ZNF804A: variants seen among roughly 807,000 people sequenced by gnomAD.
The protein encoded by ZNF804A is zinc finger protein 804A.
A neutral mutation model predicts 16.5 loss-of-function variants in ZNF804A; 2 were observed. The observed-to-expected ratio is 0.12, with a 90% confidence interval of 0.05 to 0.38. The LOEUF (loss-of-function observed/expected upper bound fraction) is 0.38, where lower values mean the gene tolerates loss of function less well. Among genes scored for constraint, ZNF804A ranks in the 10% least tolerant of loss-of-function variants. The probability of loss-of-function intolerance (pLI) is 0.99; values close to 1 mark genes in which losing one functional copy is unlikely to be tolerated. For synonymous variants in ZNF804A, 534 were observed against 489.6 expected (o/e 1.09, Z -1.20); for missense variants, 1,473 against 1,390.7 (o/e 1.06, Z -0.94).
At position 184,850,388 on chromosome 2, in the gene ZNF804A, G is replaced by T. The variant is rs182932616; in HGVS notation, c.112-15981G>T. Reference sequence around the variant, plus strand: ...CAGTCAAGTAGTACTACATGAAGCTGCTGGAAACTGGCTGACTCAATCAGT... The same window carrying T: ...CAGTCAAGTAGTACTACATGAAGCTTCTGGAAACTGGCTGACTCAATCAGT... On this transcript the variant is annotated intron_variant, in intron 1 of 3. Transcript: ENST00000302277. Among the ~76,000 whole-genome samples, 629 of 151,842 alleles carry T rather than the reference G, an allele frequency of 4.1e-3. 5 individuals carry two copies. Among genetic ancestry groups the T allele is most frequent in the African/African-American group, 0.014 (597 of 41,480 alleles).
intron 1 of ZNF804A, among the ~76,000 whole-genome samples, chr2:184,642,529 G>A (rs1021025153): frequency 7.2e-5 from 11 of 152,030 alleles, no homozygotes; most frequent in African/African-American, 1.7e-4. Context: ...TTCATTAGTC[G>A]GGATATAAGA....
At chr2:184,781,947 C>T (rs1402746596) in intron 1 of ZNF804A, among the ~76,000 whole-genome samples, 1 of 151,842 alleles carries the variant, frequency 6.6e-6, no homozygotes, top group African/African-American at 2.4e-5. Context: ...ATAAATTCTT[C>T]TAAGGCCTCT....
chr2:184,802,061 TC>T (rs1199511215), intron 1 of ZNF804A, among the ~76,000 whole-genome samples: 2 of 152,190 alleles, frequency 1.3e-5, no homozygotes, highest in Non-Finnish European at 2.9e-5. Flanking sequence ...ATATTGTAGC[TC>T]TTTAAGCTGT....
At chr2:184,610,391 T>G (rs1046373675) in intron 1 of ZNF804A, among the ~76,000 whole-genome samples, 6 of 152,196 alleles carry the variant, frequency 3.9e-5, no homozygotes, top group African/African-American at 1.4e-4. Context: ...CTCTGGGAGT[T>G]GCCAAAGACT....
chr2:184,621,324 AC>A (rs1691415308), intron 1 of ZNF804A, among the ~76,000 whole-genome samples: 1 of 151,720 alleles, frequency 6.6e-6, no homozygotes, highest in African/African-American at 2.4e-5. Flanking sequence ...GATCCCAGCA[AC>A]AAATTATTTC....
chr2:184,640,004 A>G (rs1439573566), intron 1 of ZNF804A, among the ~76,000 whole-genome samples: 3 of 152,102 alleles, frequency 2.0e-5, no homozygotes, highest in Non-Finnish European at 2.9e-5. Context: ...TGCGTCTCAA[A>G]AAAGTAAATT....
rs1690997447 is a variant in ZNF804A at position 184,598,897 on chromosome 2, T to A, written c.-63T>A. 1 of 1,175,870 alleles carries A rather than the reference T, an allele frequency of 8.5e-7. No individual in the cohort carries two copies. The highest frequency in any genetic ancestry group is 1.6e-5 in the South Asian group (1 of 62,036). 72.8% of individuals were successfully genotyped at this position (1,175,870 alleles called of 1,614,324 possible). A position where few individuals can be genotyped will look rare whatever the true frequency, so the allele number is the denominator to read the frequency against. On this transcript the variant is annotated 5_prime_UTR_variant, in exon 1 of 4. Coordinates refer to ENST00000302277, the MANE Select transcript of ZNF804A (RefSeq NM_194250.2). ...CCCACCGTCGCCGGCCCCGGCGCGC[T>A]GCGGCTGTGGGCGCGGGGTGCGTGG... is the stretch of plus-strand genomic sequence containing the variant.
At chr2:184,791,162 G>C (rs1275578303) in intron 1 of ZNF804A, among the ~76,000 whole-genome samples, 1 of 152,018 alleles carries the variant, frequency 6.6e-6, no homozygotes, top group Non-Finnish European at 1.5e-5. Flanking sequence ...GGGGAATTTA[G>C]GCTATGTGCA....
At chr2:184,886,996 G>T (rs924327692) in intron 2 of ZNF804A, among the ~76,000 whole-genome samples, 1 of 152,164 alleles carries the variant, frequency 6.6e-6, no homozygotes. Flanking sequence ...CCCAGAAAAC[G>T]AGATTTTCCT....
chr2:184,610,298 G>T (rs934518366), intron 1 of ZNF804A, among the ~76,000 whole-genome samples: 2 of 152,156 alleles, frequency 1.3e-5, no homozygotes, highest in Admixed American at 6.5e-5. Context: ...CCAGTGTCAA[G>T]TATTCTTTTA....
At chr2:184,858,521 A>G (rs961707672) in intron 1 of ZNF804A, among the ~76,000 whole-genome samples, 1 of 151,222 alleles carries the variant, frequency 6.6e-6, no homozygotes, top group African/African-American at 2.4e-5. Context: ...AAAAAAAAAG[A>G]TAACAACAAC....
At chr2:184,774,363 T>C (rs1367345993) in intron 1 of ZNF804A, among the ~76,000 whole-genome samples, 1 of 151,848 alleles carries the variant, frequency 6.6e-6, no homozygotes, top group Non-Finnish European at 1.5e-5. Flanking sequence ...ATAAAGAACA[T>C]ATAATGTTAC....
intron 1 of ZNF804A, among the ~76,000 whole-genome samples, chr2:184,776,595 A>G (rs1694288656): frequency 2.0e-5 from 3 of 151,450 alleles, no homozygotes; most frequent in African/African-American, 7.3e-5. Flanking sequence ...TGTCTGAGAC[A>G]CCTTCCATTG....
At chr2:184,827,498 A>G (rs1219760941) in intron 1 of ZNF804A, among the ~76,000 whole-genome samples, 1 of 146,612 alleles carries the variant, frequency 6.8e-6, no homozygotes, top group African/African-American at 2.5e-5. Context: ...ATATATAAAA[A>G]TATATATATA....
At chr2:184,910,492 A>G (rs544349211) in intron 2 of ZNF804A, among the ~76,000 whole-genome samples, 1 of 152,150 alleles carries the variant, frequency 6.6e-6, no homozygotes, top group East Asian at 1.9e-4. Flanking sequence ...AATATACCCA[A>G]TAATGAAATT....
chr2:184,825,703 CTG>C lies in ZNF804A; in HGVS notation c.112-40663_112-40662del, dbSNP rs1454020346. The stretch of plus-strand genomic sequence containing the variant: ...TAGGGAATGTTCAAACATACAAAGA[CTG>C]TGGTATGGGACAAAATGGAAAAGAA... On this transcript the variant is annotated intron_variant, in intron 1 of 3. Transcript: ENST00000302277. Among the ~76,000 whole-genome samples the C allele has an allele frequency of 2.6e-5, 4 of 152,108 alleles. No individual in the cohort carries two copies. The East Asian group carries it at 5.8e-4, about 22-fold the overall frequency.
intron 1 of ZNF804A, among the ~76,000 whole-genome samples, chr2:184,611,372 T>G (rs537372677): frequency 4.2e-4 from 64 of 152,232 alleles, no homozygotes; most frequent in African/African-American, 1.5e-3. Context: ...TATAGAATCT[T>G]AAATATGTGC....
At position 184,939,195 on chromosome 2, in the gene ZNF804A, C is replaced by A. The variant is rs1685854558; in HGVS notation, c.*169C>A. 1.3e-6 allele frequency: 1 copy of A among 743,728 alleles called. No homozygotes were observed. The highest frequency in any genetic ancestry group is 2.1e-6 in the Non-Finnish European group (1 of 468,726). 46.1% of individuals were successfully genotyped at this position (743,728 alleles called of 1,614,324 possible). Reference sequence around the variant, plus strand: ...TAAGTGCAATGATGCAAATAAATCCCTAAGTTTCTGATATATAATATTATT... The same window carrying A: ...TAAGTGCAATGATGCAAATAAATCCATAAGTTTCTGATATATAATATTATT... On this transcript the variant is annotated 3_prime_UTR_variant, in exon 4 of 4. Coordinates refer to ENST00000302277, the MANE Select transcript of ZNF804A (RefSeq NM_194250.2).
chr2:184,656,063 A>C (rs1227518498), intron 1 of ZNF804A, among the ~76,000 whole-genome samples: 1 of 152,088 alleles, frequency 6.6e-6, no homozygotes, highest in African/African-American at 2.4e-5. Context: ...TCGTTGAGCA[A>C]ATTATTAATC....
Sources: allele counts gnomAD v4.1 joint callset (sites outside exome capture counted in the v4.1 genomes callset), GRCh38; gene constraint gnomAD v4.1.1; transcripts MANE v1.5; gene names NCBI Gene and HGNC (gene_info 2026-07-23, HGNC 2026-07-21).